The following GALNTL6 variants were observed in gnomAD, a reference collection of about 807,000 sequenced individuals.
GALNTL6 encodes the protein polypeptide N-acetylgalactosaminyltransferase like 6, also known as polypeptide N-acetylgalactosaminyltransferase-like 6.
A neutral mutation model predicts 73.7 loss-of-function variants in GALNTL6; 46 were observed. That is an observed-to-expected ratio of 0.62 (90% confidence interval 0.49 to 0.80). GALNTL6 has a LOEUF of 0.80. Among genes scored for constraint, GALNTL6 ranks in the 30% least tolerant of loss-of-function variants. GALNTL6 has a pLI of 0.00. For synonymous variants in GALNTL6, 259 were observed against 263.7 expected, an observed-to-expected ratio of 0.98 and a Z score of 0.17; for missense variants, 604 against 755.0, an observed-to-expected ratio of 0.80 and a Z score of 2.34.
intron 11 of GALNTL6, among the ~76,000 whole-genome samples, chr4:173,015,072 C>A (rs1031594548): frequency 6.6e-6 from 1 of 152,204 alleles, no homozygotes; most frequent in African/African-American, 2.4e-5. Flanking sequence ...TTTGGCACTG[C>A]TCCTTGCTGC....
rs904538118 is a variant in GALNTL6 at position 172,460,489 on chromosome 4, T to A, written c.553+111800T>A. On this transcript the variant is annotated intron_variant, in intron 5 of 12. Transcript: ENST00000506823. ...CTATCCATCTGACAAAGGGCTAATA[T>A]CCAGAATCTACAAGGAACTTAAACA... is the stretch of plus-strand genomic sequence containing the variant. Among the ~76,000 whole-genome samples the A allele has an allele frequency of 3.9e-5, 6 of 152,092 alleles. No homozygotes were observed. In the South Asian group the frequency reaches 1.2e-3, roughly 31 times the overall value.
chr4:172,795,771 A>G (rs530170012), intron 5 of GALNTL6, among the ~76,000 whole-genome samples: 23 of 152,110 alleles, frequency 1.5e-4, no homozygotes, highest in Non-Finnish European at 1.3e-4. Context: ...CTCATACACT[A>G]TGATGCACTA....
intron 4 of GALNTL6, 61 bp downstream of exon 4, chr4:172,311,813 T>C (rs1160070447): frequency 1.6e-6 from 2 of 1,228,442 alleles, no homozygotes; most frequent in Non-Finnish European, 1.1e-6. Flanking sequence ...TCCTTTGATT[T>C]TTTTTTAAAT....
chr4:172,604,085 A>G (rs796690839), intron 5 of GALNTL6, among the ~76,000 whole-genome samples: 4 of 152,340 alleles, frequency 2.6e-5, no homozygotes, highest in African/African-American at 9.6e-5. Context: ...CATTAGTAAC[A>G]TCATGCTATG....
At chr4:172,241,577 T>C (rs1034667591) in intron 3 of GALNTL6, among the ~76,000 whole-genome samples, 1 of 152,198 alleles carries the variant, frequency 6.6e-6, no homozygotes, top group Non-Finnish European at 1.5e-5. Flanking sequence ...GGTGTTAGCA[T>C]TGGCCAAACC....
At chr4:172,546,446 C>T (rs1262865308) in intron 5 of GALNTL6, among the ~76,000 whole-genome samples, 1 of 151,244 alleles carries the variant, frequency 6.6e-6, no homozygotes, top group Non-Finnish European at 1.5e-5. Context: ...AAGAAATCTG[C>T]ACTTATACCC....
intron 8 of GALNTL6, among the ~76,000 whole-genome samples, chr4:172,890,299 G>C (rs1352144758): frequency 6.6e-6 from 1 of 151,778 alleles, no homozygotes; most frequent in African/African-American, 2.4e-5. Context: ...GCTAATTTTG[G>C]GGTTGGAGTG....
chr4:172,587,130 A>G (rs1395208106), intron 5 of GALNTL6, among the ~76,000 whole-genome samples: 1 of 118,558 alleles, frequency 8.4e-6, no homozygotes, highest in East Asian at 3.5e-4. Context: ...TTCTAAGAAA[A>G]TTGTGTAGAA....
chr4:172,642,020 A>G (rs1740006724), intron 5 of GALNTL6, among the ~76,000 whole-genome samples: 1 of 152,104 alleles, frequency 6.6e-6, no homozygotes, highest in Non-Finnish European at 1.5e-5. Flanking sequence ...AATTAAAACT[A>G]CAGTGAAATA....
chr4:172,273,085 TTAAAC>T (rs1211387572), intron 3 of GALNTL6, among the ~76,000 whole-genome samples: 2 of 152,182 alleles, frequency 1.3e-5, no homozygotes, highest in Admixed American at 1.3e-4. Context: ...AAGAAACTGT[TTAAAC>T]TAATGTTCCT....
intron 4 of GALNTL6, among the ~76,000 whole-genome samples, chr4:172,340,942 T>G (rs1741536514): frequency 6.6e-6 from 1 of 152,210 alleles, no homozygotes; most frequent in Non-Finnish European, 1.5e-5. Flanking sequence ...TGTGTACAGC[T>G]CATTCCTTTA....
intron 5 of GALNTL6, among the ~76,000 whole-genome samples, chr4:172,529,890 T>G (rs1401381282): frequency 6.7e-6 from 1 of 150,070 alleles, no homozygotes; most frequent in Non-Finnish European, 1.5e-5. Context: ...TTTATTTATT[T>G]ATTTATTTAT....
intron 5 of GALNTL6, among the ~76,000 whole-genome samples, chr4:172,808,351 C>T (rs1741097240): frequency 6.6e-6 from 1 of 152,110 alleles, no homozygotes; most frequent in South Asian, 2.1e-4. Context: ...TACATGAACC[C>T]CTACTGCTAC....
intron 5 of GALNTL6, among the ~76,000 whole-genome samples, chr4:172,698,861 T>C (rs550507284): frequency 2.4e-4 from 37 of 152,316 alleles, no homozygotes; most frequent in African/African-American, 8.7e-4. Flanking sequence ...GCCATAAATA[T>C]GGATGGGAAG....
Position 173,021,491 on chromosome 4 carries a change from T to G in GALNTL6, c.1504T>G (p.Trp502Gly). 1 of 1,614,078 alleles carries G rather than the reference T, an allele frequency of 6.2e-7. No homozygotes were observed. The highest frequency in any genetic ancestry group is 1.3e-5 in the African/African-American group (1 of 75,024). The change falls in exon 12 of 13, where the codon TGG (tryptophan) becomes GGG (glycine). Residue 502 changes from tryptophan to glycine, a missense_variant. By Grantham distance (184) the Trp-to-Gly change is radical. Transcript: ENST00000506823. ...GCTTTGCTAGCTTTTTACCTTTGGATGGAGAGAAGATATTCGACCCGGTGA... is the reference window on the plus strand; with the variant it reads ...GCTTTGCTAGCTTTTTACCTTTGGAGGGAGAGAAGATATTCGACCCGGTGA... ...WSHEQLFTFG[W>G]REDIRPGEPL...
chr4:172,455,055 C>T (rs901061685), intron 5 of GALNTL6, among the ~76,000 whole-genome samples: 5 of 152,152 alleles, frequency 3.3e-5, no homozygotes, highest in African/African-American at 4.8e-5. Flanking sequence ...GGGTCCAGCC[C>T]ATGGAGGGTG....
intron 3 of GALNTL6, among the ~76,000 whole-genome samples, chr4:172,277,361 C>G (rs1395728602): frequency 4.6e-5 from 7 of 152,116 alleles, no homozygotes; most frequent in Admixed American, 4.6e-4. Flanking sequence ...GTGCCCGGAG[C>G]TGTCTTAACA....
At chr4:171,834,596 G>A (rs572414170) in intron 2 of GALNTL6, among the ~76,000 whole-genome samples, 1 of 151,988 alleles carries the variant, frequency 6.6e-6, no homozygotes, top group South Asian at 2.1e-4. Flanking sequence ...AATATGTAGT[G>A]GTTAATAGAT....
chr4:172,551,210 T>C (rs1004292397), intron 5 of GALNTL6, among the ~76,000 whole-genome samples: 1 of 152,222 alleles, frequency 6.6e-6, no homozygotes, highest in Non-Finnish European at 1.5e-5. Context: ...ACGTTTTTTC[T>C]TCTATGTTTT....
Sources: gnomAD v4.1 joint callset for allele counts (sites outside exome capture counted in the v4.1 genomes callset) on GRCh38, gnomAD v4.1.1 for gene constraint, MANE v1.5 for transcripts, NCBI Gene and HGNC (gene_info 2026-07-23, HGNC 2026-07-21) for gene names.